The following CNTNAP5 variants were observed in gnomAD, a reference collection of about 807,000 sequenced individuals.
The protein encoded by CNTNAP5 is contactin associated protein family member 5, also known as contactin-associated protein-like 5.
A neutral mutation model predicts 150.2 loss-of-function variants in CNTNAP5; 72 were observed. The ratio of observed to expected loss-of-function variants is 0.48; its 90% CI spans 0.40 to 0.58. The LOEUF is 0.58. Ranked by LOEUF, CNTNAP5 falls within the 20% of genes least tolerant of loss-of-function variation. CNTNAP5 has a pLI of 0.00. For synonymous variants in CNTNAP5, 672 were observed against 619.8 expected (o/e 1.08, Z -1.25); for missense variants, 1,636 against 1,626.2 (o/e 1.01, Z -0.10).
chr2:124,919,788 CA>C lies in CNTNAP5; in HGVS notation c.*5501del, dbSNP rs1678838465. On this transcript the variant is annotated 3_prime_UTR_variant, in exon 24 of 24. Coordinates refer to ENST00000682447, the MANE Select transcript of CNTNAP5 (RefSeq NM_001367498.1). ...TTTAAATTTTTTTTCAGGATTTTCTCAGAGTGCTTTAGAACTATTATTATAA... is the reference window on the plus strand; with the variant it reads ...TTTAAATTTTTTTTCAGGATTTTCTCGAGTGCTTTAGAACTATTATTATAA... Among the ~76,000 whole-genome samples the C allele has an allele frequency of 6.6e-6, 1 of 151,716 alleles. No individual in the cohort carries two copies. The highest frequency in any genetic ancestry group is 1.5e-5 in the Non-Finnish European group (1 of 67,948).
intron 17 of CNTNAP5, among the ~76,000 whole-genome samples, chr2:124,773,947 T>TGAGA (rs70999215): frequency 8.3e-6 from 1 of 121,058 alleles, no homozygotes; most frequent in African/African-American, 3.4e-5. Flanking sequence ...TGTGTGTGTG[T>TGAGA]GAGAGAGAGA....
chr2:124,436,455 C>A (rs1692534129), intron 5 of CNTNAP5, among the ~76,000 whole-genome samples: 1 of 152,062 alleles, frequency 6.6e-6, no homozygotes, highest in Non-Finnish European at 1.5e-5. Context: ...GCCTCAGTTT[C>A]TTTATTTCTA....
intron 3 of CNTNAP5, among the ~76,000 whole-genome samples, chr2:124,345,402 C>G (rs1185537073): frequency 6.6e-6 from 1 of 152,142 alleles, no homozygotes; most frequent in Non-Finnish European, 1.5e-5. Context: ...TCAGTGGAAA[C>G]AAATCCAACA....
chr2:124,906,062 C>T (rs1211745950), intron 22 of CNTNAP5, among the ~76,000 whole-genome samples: 2 of 151,700 alleles, frequency 1.3e-5, no homozygotes, highest in Non-Finnish European at 2.9e-5. Flanking sequence ...GTCTCCCTGG[C>T]CAGCAAGATC....
At chr2:124,592,348 T>C (rs947671959) in intron 11 of CNTNAP5, among the ~76,000 whole-genome samples, 5 of 143,986 alleles carry the variant, frequency 3.5e-5, no homozygotes, top group Non-Finnish European at 6.0e-5. Flanking sequence ...CAGCCACATA[T>C]ATATATGTAT....
chr2:124,353,438 A>G (rs776165303), intron 3 of CNTNAP5, among the ~76,000 whole-genome samples: 1 of 151,950 alleles, frequency 6.6e-6, no homozygotes, highest in Non-Finnish European at 1.5e-5. Flanking sequence ...GCATGAAGTG[A>G]AATTCTAGAA....
intron 19 of CNTNAP5, among the ~76,000 whole-genome samples, chr2:124,828,443 T>A (rs1682644461): frequency 6.6e-6 from 1 of 152,000 alleles, no homozygotes; most frequent in Non-Finnish European, 1.5e-5. Flanking sequence ...ATCGTGCCAC[T>A]GCACTCCAGC....
intron 21 of CNTNAP5, among the ~76,000 whole-genome samples, chr2:124,887,509 T>C (rs573391335): frequency 6.6e-5 from 10 of 152,100 alleles, no homozygotes; most frequent in African/African-American, 2.4e-4. Flanking sequence ...CCAGGAATCA[T>C]CATAGCAACC....
intron 6 of CNTNAP5, among the ~76,000 whole-genome samples, chr2:124,456,045 G>A (rs1413661913): frequency 6.6e-6 from 1 of 152,086 alleles, no homozygotes; most frequent in Non-Finnish European, 1.5e-5. Flanking sequence ...CTTCAACATA[G>A]CACTGGAAGT....
chr2:124,337,813 C>T (rs1399957318), intron 3 of CNTNAP5, among the ~76,000 whole-genome samples: 1 of 151,806 alleles, frequency 6.6e-6, no homozygotes, highest in Non-Finnish European at 1.5e-5. Context: ...AGTGTGATGC[C>T]TCCAGCTTTG....
chr2:124,626,102 T>TTTTA (rs1299550478), intron 12 of CNTNAP5, among the ~76,000 whole-genome samples: 2 of 152,128 alleles, frequency 1.3e-5, no homozygotes, highest in African/African-American at 4.8e-5. Context: ...AAGTAATCAC[T>TTTTA]TTTATTTCAG....
chr2:124,173,505 G>A (rs1044144929), intron 1 of CNTNAP5, among the ~76,000 whole-genome samples: 8 of 152,308 alleles, frequency 5.3e-5, no homozygotes, highest in South Asian at 2.1e-4. Context: ...CCTCGAAAAT[G>A]TTAGTAGTCT....
intron 6 of CNTNAP5, among the ~76,000 whole-genome samples, chr2:124,451,748 A>G (rs926301582): frequency 2.0e-5 from 3 of 152,118 alleles, no homozygotes; most frequent in African/African-American, 7.2e-5. Flanking sequence ...AGATCATCCC[A>G]CAAAAGGAGG....
chr2:124,454,126 C>T (rs544468862), intron 6 of CNTNAP5, among the ~76,000 whole-genome samples: 1 of 152,204 alleles, frequency 6.6e-6, no homozygotes, highest in African/African-American at 2.4e-5. Context: ...TAAGAGTTCA[C>T]CAACCAACTA....
At chr2:124,577,948 T>G (rs931879144) in intron 11 of CNTNAP5, among the ~76,000 whole-genome samples, 19 of 150,988 alleles carry the variant, frequency 1.3e-4, no homozygotes, top group Non-Finnish European at 2.4e-4. Flanking sequence ...TCAGCCAGAG[T>G]TCAGAGAACA....
intron 1 of CNTNAP5, among the ~76,000 whole-genome samples, chr2:124,092,188 GAGAC>G (rs1682831628): frequency 6.6e-6 from 1 of 152,238 alleles, no homozygotes; most frequent in Non-Finnish European, 1.5e-5. Context: ...GATAAACTAA[GAGAC>G]AGAAAGGTTA....
intron 13 of CNTNAP5, chr2:124,680,665 A>G (rs1324421931): frequency 6.6e-6 from 1 of 151,776 alleles, no homozygotes; most frequent in Non-Finnish European, 1.5e-5. Flanking sequence ...TGTCTCATAA[A>G]TTTTTGTTGG....
At position 124,763,595 on chromosome 2, in the gene CNTNAP5, A is replaced by C. The variant is rs145166687; in HGVS notation, c.2235-77A>C. On this transcript the variant is annotated intron_variant, in intron 14 of 23. Coordinates refer to ENST00000682447, the MANE Select transcript of CNTNAP5 (RefSeq NM_001367498.1). ...GCTGCAACTGGCCAAATCACTTCTG[A>C]AAAGAGGGGTCATGGAAAAGAGTCC... 3.4e-6 allele frequency: 5 copies of C among 1,451,216 alleles called. No homozygotes were observed. The African/African-American group carries it at 7.0e-5, about 20-fold the overall frequency. The allele number at this position is 1,451,216 out of a possible 1,614,324, so 89.9% of individuals were successfully genotyped here. A position where few individuals can be genotyped will look rare whatever the true frequency, so the allele number is the denominator to read the frequency against.
rs1178410837 is a variant in CNTNAP5, at chr2:124,623,231, G to GA, written c.1876+13317dup. Among the ~76,000 whole-genome samples the GA allele has an allele frequency of 5.3e-5, 8 of 152,082 alleles. No individual in the cohort carries two copies. The East Asian group carries it at 1.4e-3, about 26-fold the overall frequency. Reference sequence around the variant, plus strand: ...ACTTTATAATCTCATGTCCTTGTGGGAAAAAATGCCCATGTCTTCAGCTTT... The same window carrying GA: ...ACTTTATAATCTCATGTCCTTGTGGGAAAAAAATGCCCATGTCTTCAGCTTT... On this transcript the variant is annotated intron_variant, in intron 12 of 23. Coordinates refer to ENST00000682447, the MANE Select transcript of CNTNAP5 (RefSeq NM_001367498.1).
Sources: gnomAD v4.1 joint callset for allele counts (sites outside exome capture counted in the v4.1 genomes callset) on GRCh38, gnomAD v4.1.1 for gene constraint, MANE v1.5 for transcripts, NCBI Gene and HGNC (gene_info 2026-07-23, HGNC 2026-07-21) for gene names.